Variants in CTNNA2 observed in about 807,000 individuals in gnomAD.
The protein encoded by CTNNA2 is catenin alpha 2, also known as catenin alpha-2.
In CTNNA2, 42 loss-of-function variants were observed where a neutral mutation model predicts 101.0. The observed-to-expected ratio is 0.42, with a 90% CI of 0.32 to 0.54. The LOEUF (loss-of-function observed/expected upper bound fraction) is 0.54. CTNNA2 is among the 20% of genes least tolerant of loss of function. CTNNA2 has a pLI of 0.14. For missense variants in CTNNA2, 871 were observed against 1,223.1 expected, an observed-to-expected ratio of 0.71 and a Z score of 4.29; for synonymous variants, 450 against 456.4, an observed-to-expected ratio of 0.99 and a Z score of 0.18.
intron 2 of CTNNA2, among the ~76,000 whole-genome samples, chr2:79,676,936 C>T (rs1683226516): frequency 1.3e-5 from 2 of 152,058 alleles, no homozygotes; most frequent in African/African-American, 4.8e-5. Flanking sequence ...TGCTATTCCC[C>T]TGTCATCCTC....
chr2:79,818,545 G>A (rs757838993), intron 3 of CTNNA2, among the ~76,000 whole-genome samples: 18 of 151,330 alleles, frequency 1.2e-4, no homozygotes, highest in Non-Finnish European at 1.0e-4. Flanking sequence ...TCGAACTGCT[G>A]ACCTTGTGAT....
intron 1 of CTNNA2, among the ~76,000 whole-genome samples, chr2:79,640,853 G>C (rs955026439): frequency 6.6e-6 from 1 of 152,114 alleles, no homozygotes; most frequent in Non-Finnish European, 1.5e-5. Context: ...TTATAACCTG[G>C]TGGGTTATGT....
At chr2:80,040,872 A>G (rs1238641546) in intron 7 of CTNNA2, among the ~76,000 whole-genome samples, 1 of 152,226 alleles carries the variant, frequency 6.6e-6, no homozygotes, top group Non-Finnish European at 1.5e-5. Context: ...GCAAATAATG[A>G]GTAAAAGATA....
intron 2 of CTNNA2, among the ~76,000 whole-genome samples, chr2:79,280,378 G>C (rs1167847007): frequency 6.6e-6 from 1 of 152,032 alleles, no homozygotes; most frequent in Non-Finnish European, 1.5e-5. Context: ...GCACAGCCTT[G>C]ACTGCTGTCT....
chr2:80,310,264 C>T (rs1369741805), intron 7 of CTNNA2, among the ~76,000 whole-genome samples: 1 of 152,164 alleles, frequency 6.6e-6, no homozygotes, highest in African/African-American at 2.4e-5. Flanking sequence ...ATTTTAAACA[C>T]TTAGAATGGA....
chr2:80,010,876 A>G (rs1270289278), intron 7 of CTNNA2, among the ~76,000 whole-genome samples: 1 of 152,150 alleles, frequency 6.6e-6, no homozygotes, highest in Non-Finnish European at 1.5e-5. Flanking sequence ...CTCTTGTTCA[A>G]AATTCATACA....
chr2:79,633,531 T>G (rs1338826855), intron 1 of CTNNA2, among the ~76,000 whole-genome samples: 1 of 152,210 alleles, frequency 6.6e-6, no homozygotes, highest in Non-Finnish European at 1.5e-5. Context: ...ATGACCAATA[T>G]TTGAATGAGC....
chr2:79,396,490 A>T (rs1314757226), intron 4 of CTNNA2, among the ~76,000 whole-genome samples: 2 of 152,124 alleles, frequency 1.3e-5, no homozygotes, highest in African/African-American at 4.8e-5. Flanking sequence ...AGGGACATTC[A>T]TTTGAGCTTC....
rs574980231 is a variant in CTNNA2 at position 79,239,486 on chromosome 2, C to T, written c.-406+41410C>T. Among the ~76,000 whole-genome samples, 131 of 152,236 alleles carry T rather than the reference C, an allele frequency of 8.6e-4. No individual in the cohort carries two copies. The South Asian group carries it at 0.025, about 29-fold the overall frequency. On this transcript the variant is annotated intron_variant, in intron 2 of 21. Coordinates refer to the CTNNA2 transcript ENST00000466387. ...ACTTAAGATGGATCATGCCACTGCA[C>T]TCCAGCCTGGGTGACAGAGAAAGAC...
intron 7 of CTNNA2, among the ~76,000 whole-genome samples, chr2:80,055,465 G>A (rs1697156468): frequency 6.6e-6 from 1 of 152,052 alleles, no homozygotes; most frequent in Admixed American, 6.5e-5. Context: ...CTAGCCAGTG[G>A]GCCGAATCTT....
At chr2:80,329,431 C>T (rs1671125329) in intron 7 of CTNNA2, among the ~76,000 whole-genome samples, 1 of 152,188 alleles carries the variant, frequency 6.6e-6, no homozygotes, top group South Asian at 2.1e-4. Flanking sequence ...CATTTTCTCT[C>T]TCTTAATGAA....
chr2:79,968,123 G>A (rs1160397233), intron 7 of CTNNA2, among the ~76,000 whole-genome samples: 1 of 152,096 alleles, frequency 6.6e-6, no homozygotes, highest in African/African-American at 2.4e-5. Flanking sequence ...ACACTAGATA[G>A]AAGTGGTGGT....
chr2:80,541,989 T>C (rs959316545), intron 9 of CTNNA2, among the ~76,000 whole-genome samples: 12 of 151,490 alleles, frequency 7.9e-5, no homozygotes, highest in African/African-American at 1.5e-4. Flanking sequence ...TATAAACTAA[T>C]GGCGAATCTT....
At chr2:80,284,667 T>C (rs1558968681) in intron 7 of CTNNA2, among the ~76,000 whole-genome samples, 1 of 152,018 alleles carries the variant, frequency 6.6e-6, no homozygotes, top group East Asian at 1.9e-4. Flanking sequence ...AAATTCCTAA[T>C]AGAGGCAGGG....
At chr2:79,630,036 C>G (rs1679582968) in intron 1 of CTNNA2, among the ~76,000 whole-genome samples, 1 of 152,174 alleles carries the variant, frequency 6.6e-6, no homozygotes, top group South Asian at 2.1e-4. Context: ...TATCAGACAA[C>G]CAAGGATCAC....
intron 7 of CTNNA2, among the ~76,000 whole-genome samples, chr2:80,076,471 A>T (rs1698759638): frequency 6.6e-6 from 1 of 151,870 alleles, no homozygotes; most frequent in South Asian, 2.1e-4. Context: ...TTTGTAAAAC[A>T]GAGATCTCAC....
At chr2:79,827,721 T>C (rs1332763561) in intron 3 of CTNNA2, among the ~76,000 whole-genome samples, 1 of 152,042 alleles carries the variant, frequency 6.6e-6, no homozygotes, top group Non-Finnish European at 1.5e-5. Flanking sequence ...AAATATATGG[T>C]TTTTTTTAAA....
chr2:80,573,668 G>A (rs1560862), intron 12 of CTNNA2, among the ~76,000 whole-genome samples: 47,663 of 151,982 alleles, frequency 0.31, 7,696 homozygotes, highest in Admixed American at 0.39. Context: ...TGTAACATCC[G>A]ATATTAGTTA....
At chr2:79,912,166 A>C (rs1215534057) in intron 7 of CTNNA2, among the ~76,000 whole-genome samples, 1 of 152,226 alleles carries the variant, frequency 6.6e-6, no homozygotes, top group Non-Finnish European at 1.5e-5. Flanking sequence ...AATATTTAAA[A>C]ATCAGCATAA....
Sources: gnomAD v4.1 joint callset for allele counts (sites outside exome capture counted in the v4.1 genomes callset) on GRCh38, gnomAD v4.1.1 for gene constraint, MANE v1.5 for transcripts, NCBI Gene and HGNC (gene_info 2026-07-23, HGNC 2026-07-21) for gene names.